ZBTB5: variants seen among roughly 807,000 people sequenced by gnomAD.
The protein encoded by ZBTB5 is zinc finger and BTB domain-containing protein 5.
A neutral mutation model predicts 37.9 loss-of-function variants in ZBTB5; 15 were observed. The ratio of observed to expected loss-of-function variants is 0.40; its 90% CI spans 0.26 to 0.61. ZBTB5 has a LOEUF of 0.61. Ranked by LOEUF, ZBTB5 falls within the 20% of genes least tolerant of loss-of-function variation. The pLI, the probability that ZBTB5 is intolerant of heterozygous loss-of-function variation, is 0.47. For missense variants in ZBTB5, 708 were observed against 856.8 expected (o/e 0.83, Z 2.17); for synonymous variants, 315 against 312.4 (o/e 1.01, Z -0.09).
rs539342078 is a variant in ZBTB5, at chr9:37,443,648, C to T, written c.-4-1093G>A. Among the ~76,000 whole-genome samples, 8 of 152,288 alleles carry T rather than the reference C, an allele frequency of 5.3e-5. No homozygotes were observed. In the East Asian group the frequency reaches 1.5e-3, roughly 29 times the overall value. On this transcript the variant is annotated intron_variant, in intron 1 of 1. Transcript: ENST00000307750. The stretch of plus-strand genomic sequence containing the variant: ...TAAAAAAAACAAAAACAAAAAAACA[C>T]CAGGATGTGGTGGCGCATGCCTGTA...
chr9:37,444,742 T>A (rs760875389), intron 1 of ZBTB5, among the ~76,000 whole-genome samples: 2 of 152,198 alleles, frequency 1.3e-5, no homozygotes, highest in Non-Finnish European at 2.9e-5. Context: ...ATTAATCAAT[T>A]AGGATAAACT....
intron 1 of ZBTB5, among the ~76,000 whole-genome samples, chr9:37,461,690 G>A (rs1824296001): frequency 6.6e-6 from 1 of 152,024 alleles, no homozygotes; most frequent in South Asian, 2.1e-4. Context: ...ATCAGATTAT[G>A]CCATTGCACT....
Position 37,440,984 on chromosome 9 carries a change from C to G in ZBTB5, c.1568G>C (p.Gly523Ala). 1 of 1,614,200 alleles carries G rather than the reference C, an allele frequency of 6.2e-7. No individual in the cohort carries two copies. Among genetic ancestry groups the G allele is most frequent in the Non-Finnish European group, 8.5e-7 (1 of 1,180,044 alleles). ...GTTACTGGCTCCTCCCCTTGGGGAACCTATCATTACCCTGGAGAAGGAGGA... is the reference window on the plus strand; with the variant it reads ...GTTACTGGCTCCTCCCCTTGGGGAAGCTATCATTACCCTGGAGAAGGAGGA... ...LHSSFSRVMIGSPRGGASNFP... is the reference protein window; with the variant it reads ...LHSSFSRVMIASPRGGASNFP... The change falls in exon 2 of 2, where the codon GGT (glycine) becomes GCT (alanine). Residue 523 changes from glycine (G) to alanine (A), a missense_variant. Gly to Ala is a moderately conservative substitution (Grantham distance 60). Around this residue, in one of 3 missense-constraint regions of ZBTB5, gnomAD observed 639 missense variants for 690.5 expected, o/e 0.93. Transcript: ENST00000307750.
intron 1 of ZBTB5, among the ~76,000 whole-genome samples, chr9:37,460,526 C>T (rs1300264204): frequency 6.6e-6 from 1 of 152,098 alleles, no homozygotes; most frequent in African/African-American, 2.4e-5. Context: ...TTGAGACCTG[C>T]TTGGTTAACA....
chr9:37,440,406 T>C lies in ZBTB5; in HGVS notation c.*112A>G. ...GTTCTCCGGTTATTAGTTGCTAAACTGTTTAAGAGCCACTGGGCAGCTGGA... is the reference window on the plus strand; with the variant it reads ...GTTCTCCGGTTATTAGTTGCTAAACCGTTTAAGAGCCACTGGGCAGCTGGA... On this transcript the variant is annotated 3_prime_UTR_variant, in exon 2 of 2. Transcript: ENST00000307750. 1 of 815,372 alleles carries C rather than the reference T, an allele frequency of 1.2e-6. No homozygotes were observed. The highest frequency in any genetic ancestry group is 1.9e-6 in the Non-Finnish European group (1 of 525,746). The allele number at this position is 815,372 out of a possible 1,614,324, so 50.5% of individuals were successfully genotyped here.
At chr9:37,444,222 G>C (rs368964727) in intron 1 of ZBTB5, among the ~76,000 whole-genome samples, 6 of 152,372 alleles carry the variant, frequency 3.9e-5, no homozygotes, top group African/African-American at 1.2e-4. Context: ...TTTTGAGACA[G>C]AGTTTCGCTC....
rs1295966331 is a variant in ZBTB5, at chr9:37,442,105, C to T, written c.447G>A (p.Leu149=). ...GGGCTGAGCTCACGATGCTTAGTCCCAGCTGCTGTAGCATAAAGGAGCGCT... is the reference window on the plus strand; with the variant it reads ...GGGCTGAGCTCACGATGCTTAGTCCTAGCTGCTGTAGCATAAAGGAGCGCT... ...RMQRSFMLQQ[L]GLSIVSSALN... Residue 149 remains leucine (L), a synonymous_variant, in exon 2 of 2, where the codon CTG becomes CTA. Coordinates refer to ENST00000307750, the MANE Select transcript of ZBTB5 (RefSeq NM_014872.3). The T allele has an allele frequency of 6.2e-7, 1 of 1,614,036 alleles. No individual in the cohort carries two copies. Among genetic ancestry groups the T allele is most frequent in the Non-Finnish European group, 8.5e-7 (1 of 1,180,060 alleles).
chr9:37,445,711 T>C (rs1274241545), intron 1 of ZBTB5, among the ~76,000 whole-genome samples: 2 of 151,240 alleles, frequency 1.3e-5, no homozygotes, highest in Non-Finnish European at 2.9e-5. Context: ...TAATTGAAAG[T>C]GGTTGCCTCT....
At chr9:37,462,848 GCCACCACACCCGGCCTTC>G (rs1824319762) in intron 1 of ZBTB5, among the ~76,000 whole-genome samples, 2 of 152,064 alleles carry the variant, frequency 1.3e-5, no homozygotes. Context: ...ACAGGCGTGA[GCCACCACACCCGGCCTTC>G]CCTTTAAACT....
intron 1 of ZBTB5, among the ~76,000 whole-genome samples, chr9:37,448,856 C>T (rs1824043969): frequency 2.0e-5 from 3 of 151,904 alleles, no homozygotes; most frequent in Admixed American, 2.0e-4. Context: ...CCATCCTGGC[C>T]AACATGGTGA....
At chr9:37,456,019 G>T (rs991067501) in intron 1 of ZBTB5, among the ~76,000 whole-genome samples, 1 of 151,404 alleles carries the variant, frequency 6.6e-6, no homozygotes, top group Non-Finnish European at 1.5e-5. Flanking sequence ...GCCTGATCAC[G>T]GTTCACTGCA....
chr9:37,452,196 A>G (rs1017584433), intron 1 of ZBTB5, among the ~76,000 whole-genome samples: 7 of 152,226 alleles, frequency 4.6e-5, no homozygotes, highest in South Asian at 2.1e-4. Context: ...GTTAGGTCTG[A>G]TATCTTTCGC....
rs745366000 is a variant in ZBTB5, at chr9:37,440,923, T to C, written c.1629A>G (p.Pro543=). The stretch of plus-strand genomic sequence containing the variant: ...GTGAGCTCCTGACGGAAGTTACAAC[T>C]GGCATTTTGGGAGCTATGCGGCGGT... ...PYYRRIAPKM[P]VVTSVRSSQI... The change falls in exon 2 of 2, where the codon CCA becomes CCG. Residue 543 remains proline (P), a synonymous_variant. Coordinates refer to ENST00000307750, the MANE Select transcript of ZBTB5 (RefSeq NM_014872.3). 3.7e-6 allele frequency: 6 copies of C among 1,614,228 alleles called. No homozygotes were observed. The East Asian group carries it at 1.3e-4, about 36-fold the overall frequency.
rs750780738 is a variant in ZBTB5 at position 37,441,828 on chromosome 9, C to G, written c.724G>C (p.Asp242His). 3.1e-6 allele frequency: 5 copies of G among 1,614,084 alleles called. No individual in the cohort carries two copies. The East Asian group carries it at 1.1e-4, about 36-fold the overall frequency. The change falls in exon 2 of 2, where the codon GAT (aspartate) becomes CAT (histidine). Residue 242 changes from aspartate to histidine, a missense_variant. Physicochemically the swap from Asp to His is moderately conservative, Grantham distance 81 (BLOSUM62 -1). Around this residue, in one of 3 missense-constraint regions of ZBTB5, gnomAD observed 639 missense variants for 690.5 expected, o/e 0.93. Coordinates refer to ENST00000307750, the MANE Select transcript of ZBTB5 (RefSeq NM_014872.3). ...FFSPDSLKIV[D>H]NPKADGMTDN... Reference sequence around the variant, plus strand: ...GTCATTCCATCAGCTTTAGGATTATCCACAATTTTCAGAGAATCTGGTGAA... The same window carrying G: ...GTCATTCCATCAGCTTTAGGATTATGCACAATTTTCAGAGAATCTGGTGAA...
rs1459157765 is a variant in ZBTB5 at position 37,441,922 on chromosome 9, A to T, written c.630T>A (p.Asp210Glu). Residue 210 changes from aspartate to glutamate, a missense_variant, in exon 2 of 2, where the codon GAT becomes GAA. Asp to Glu is a conservative substitution (Grantham distance 45). Coordinates refer to ENST00000307750, the MANE Select transcript of ZBTB5 (RefSeq NM_014872.3). ...GTGTAACATCTGAAATGGCAGACTC[A>T]TCTATGGAGGGTCGGAGGCGCTGCC... ...RARQRLRPSIDESAISDVTPE... is the reference protein window; with the variant it reads ...RARQRLRPSIEESAISDVTPE... 1 of 1,613,996 alleles carries T rather than the reference A, an allele frequency of 6.2e-7. No homozygotes were observed. The highest frequency in any genetic ancestry group is 1.7e-5 in the Admixed American group (1 of 60,026).
intron 1 of ZBTB5, among the ~76,000 whole-genome samples, chr9:37,457,488 C>T (rs1824212995): frequency 6.6e-6 from 1 of 152,226 alleles, no homozygotes; most frequent in African/African-American, 2.4e-5. Context: ...CCTTGGCCTC[C>T]CAAAGTGCTG....
intron 1 of ZBTB5, among the ~76,000 whole-genome samples, chr9:37,446,800 G>A (rs1473662529): frequency 6.6e-6 from 1 of 152,234 alleles, no homozygotes; most frequent in East Asian, 1.9e-4. Context: ...CCCTGCCTTA[G>A]AAAGTACACT....
chr9:37,445,363 A>G (rs2118937488), intron 1 of ZBTB5, among the ~76,000 whole-genome samples: 1 of 152,244 alleles, frequency 6.6e-6, no homozygotes. Context: ...ATAGAAGTTA[A>G]CCAACTTGGT....
chr9:37,459,547 G>C (rs887380357), intron 1 of ZBTB5, among the ~76,000 whole-genome samples: 1 of 150,838 alleles, frequency 6.6e-6, no homozygotes, highest in Non-Finnish European at 1.5e-5. Context: ...ACCCCTGACA[G>C]ATCAAGAAAC....
Sources: gnomAD v4.1 joint callset for allele counts (sites outside exome capture counted in the v4.1 genomes callset) on GRCh38, gnomAD v4.1.1 for gene constraint, gnomAD v4.1.1 regional missense constraint, MANE v1.5 for transcripts, NCBI Gene and HGNC (gene_info 2026-07-23, HGNC 2026-07-21) for gene names.